Variants in HS3ST5 observed in about 807,000 individuals in gnomAD.
The protein encoded by HS3ST5 is heparan sulfate glucosamine 3-O-sulfotransferase 5.
A neutral mutation model predicts 25.4 loss-of-function variants in HS3ST5; 10 were observed. The observed-to-expected ratio is 0.39, with a 90% confidence interval of 0.24 to 0.67. The LOEUF (loss-of-function observed/expected upper bound fraction) is 0.67, where lower values mean the gene tolerates loss of function less well. Ranked by LOEUF, HS3ST5 falls within the 30% of genes least tolerant of loss-of-function variation. HS3ST5 has a pLI of 0.44. For synonymous variants in HS3ST5, 170 were observed against 162.4 expected (o/e 1.05, Z -0.36); for missense variants, 324 against 420.7 (o/e 0.77, Z 2.01).
chr6:114,104,005 G>T (rs1268486612), intron 3 of HS3ST5, among the ~76,000 whole-genome samples: 1 of 151,616 alleles, frequency 6.6e-6, no homozygotes, highest in Non-Finnish European at 1.5e-5. Flanking sequence ...CCGGCCTATT[G>T]TTCTAATTTT....
chr6:114,319,989 T>C (rs1459818313), intron 1 of HS3ST5, among the ~76,000 whole-genome samples: 2 of 152,062 alleles, frequency 1.3e-5, no homozygotes, highest in Non-Finnish European at 2.9e-5. Context: ...CCTTTTCTTT[T>C]GTAATCTTTC....
At chr6:114,063,623 A>G (rs933816305) in intron 3 of HS3ST5, among the ~76,000 whole-genome samples, 5 of 152,064 alleles carry the variant, frequency 3.3e-5, no homozygotes, top group Non-Finnish European at 5.9e-5. Flanking sequence ...TTCATAAGTT[A>G]TCATTTTGAG....
chr6:114,297,544 T>A (rs896296883), intron 1 of HS3ST5, among the ~76,000 whole-genome samples: 6 of 152,190 alleles, frequency 3.9e-5, no homozygotes, highest in Non-Finnish European at 5.9e-5. Flanking sequence ...AGTTAGTATA[T>A]ATTTTTTTCA....
intron 1 of HS3ST5, among the ~76,000 whole-genome samples, chr6:114,272,495 TG>T (rs2114705494): frequency 6.6e-6 from 1 of 152,270 alleles, no homozygotes; most frequent in African/African-American, 2.4e-5. Context: ...GCCTTTCTAA[TG>T]TTGCATTAGA....
At chr6:114,276,617 A>AC (rs1360807043) in intron 1 of HS3ST5, among the ~76,000 whole-genome samples, 3 of 144,748 alleles carry the variant, frequency 2.1e-5, no homozygotes, top group Non-Finnish European at 4.5e-5. Context: ...GTGGGAAAAA[A>AC]AAAAACAAAA....
chr6:114,305,593 C>T (rs1775255862), intron 1 of HS3ST5, among the ~76,000 whole-genome samples: 1 of 152,122 alleles, frequency 6.6e-6, no homozygotes, highest in Non-Finnish European at 1.5e-5. Context: ...TTCATTTCAT[C>T]ACACAGATTA....
chr6:114,158,425 G>A (rs1287850743), intron 3 of HS3ST5, among the ~76,000 whole-genome samples: 1 of 152,146 alleles, frequency 6.6e-6, no homozygotes, highest in East Asian at 1.9e-4. Flanking sequence ...AATAGTTACT[G>A]AGTATTTATC....
intron 2 of HS3ST5, among the ~76,000 whole-genome samples, chr6:114,218,667 GA>G (rs946841081): frequency 5.3e-5 from 8 of 152,128 alleles, no homozygotes; most frequent in African/African-American, 1.9e-4. Flanking sequence ...CTAAAGAAAT[GA>G]AAAATGCCAT....
intron 3 of HS3ST5, among the ~76,000 whole-genome samples, chr6:114,156,690 T>G (rs1417254948): frequency 1.3e-5 from 2 of 152,304 alleles, no homozygotes; most frequent in African/African-American, 4.8e-5. Context: ...TTTCACATCT[T>G]GGCAGCCTCT....
intron 2 of HS3ST5, among the ~76,000 whole-genome samples, chr6:114,205,557 G>A (rs773817842): frequency 2.0e-5 from 3 of 152,166 alleles, no homozygotes; most frequent in African/African-American, 4.8e-5. Flanking sequence ...TGATTGATGA[G>A]ATCATTGGTC....
intron 2 of HS3ST5, among the ~76,000 whole-genome samples, chr6:114,191,496 T>C (rs1250597439): frequency 6.6e-6 from 1 of 152,212 alleles, no homozygotes; most frequent in Non-Finnish European, 1.5e-5. Flanking sequence ...AAAGATGACA[T>C]GAGAATCAAA....
At chr6:114,232,138 C>T (rs62415834) in intron 1 of HS3ST5, among the ~76,000 whole-genome samples, 7,584 of 152,158 alleles carry the variant, frequency 0.05, 224 homozygotes, top group Middle Eastern at 0.065. Context: ...CTCGTATTAT[C>T]CATATTCTAT....
chr6:114,215,671 C>T (rs563474362), intron 2 of HS3ST5, among the ~76,000 whole-genome samples: 44 of 152,140 alleles, frequency 2.9e-4, no homozygotes, highest in South Asian at 1.0e-3. Context: ...CAGGCCCCTG[C>T]TGCTATATGC....
At chr6:114,322,460 A>T (rs931154960) in intron 1 of HS3ST5, among the ~76,000 whole-genome samples, 2 of 152,032 alleles carry the variant, frequency 1.3e-5, no homozygotes, top group Non-Finnish European at 2.9e-5. Flanking sequence ...ATAACATATT[A>T]AAAAAAATCA....
intron 1 of HS3ST5, among the ~76,000 whole-genome samples, chr6:114,313,786 C>T (rs1313186851): frequency 5.9e-5 from 9 of 152,100 alleles, no homozygotes; most frequent in Admixed American, 5.9e-4. Context: ...AAAATAGGTG[C>T]ATTTATTGTA....
chr6:114,317,162 A>G (rs1391794581), intron 1 of HS3ST5, among the ~76,000 whole-genome samples: 1 of 152,252 alleles, frequency 6.6e-6, no homozygotes, highest in Non-Finnish European at 1.5e-5. Flanking sequence ...AGATGTAAAA[A>G]TATCAAATGT....
At chr6:114,137,691 G>A (rs771016379) in intron 3 of HS3ST5, among the ~76,000 whole-genome samples, 1 of 152,158 alleles carries the variant, frequency 6.6e-6, no homozygotes, top group Non-Finnish European at 1.5e-5. Context: ...TAACAAGGCA[G>A]GGATTCATGG....
At chr6:114,139,143 C>T (rs1274968913) in intron 3 of HS3ST5, among the ~76,000 whole-genome samples, 2 of 152,200 alleles carry the variant, frequency 1.3e-5, no homozygotes, top group Non-Finnish European at 2.9e-5. Context: ...CCTTGATCTT[C>T]TCCCCACTCT....
chr6:114,155,605 A>G lies in HS3ST5; in HGVS notation c.-33+12746T>C, dbSNP rs299423. ...TAAAACAGATATAATTAGAGTGTCG[A>G]CCTCATCTACCCTTTAAGCAACAAA... is the stretch of plus-strand genomic sequence containing the variant. On this transcript the variant is annotated intron_variant, in intron 3 of 4. Coordinates refer to ENST00000312719, the MANE Select transcript of HS3ST5 (RefSeq NM_153612.4). 3.1e-3 allele frequency among the ~76,000 whole-genome samples: 477 copies of G among 152,298 alleles called. 3 individuals are homozygous for G. Among genetic ancestry groups the G allele is most frequent in the African/African-American group, 0.011 (447 of 41,552 alleles).
Sources: allele counts gnomAD v4.1 joint callset (sites outside exome capture counted in the v4.1 genomes callset), GRCh38; gene constraint gnomAD v4.1.1; transcripts MANE v1.5; gene names NCBI Gene and HGNC (gene_info 2026-07-23, HGNC 2026-07-21).